PLD5: variants seen among roughly 807,000 people sequenced by gnomAD.
PLD5 encodes phospholipase D family member 5.
A neutral mutation model predicts 61.1 loss-of-function variants in PLD5; 36 were observed. The observed-to-expected ratio is 0.59, with a 90% CI of 0.45 to 0.78. PLD5 has a LOEUF of 0.78. Ranked by LOEUF, PLD5 falls within the 30% of genes least tolerant of loss-of-function variation. The pLI is 0.00. For missense variants in PLD5, 515 were observed against 644.4 expected (o/e 0.80, Z 2.17); for synonymous variants, 243 against 242.8 (o/e 1.00, Z -0.01).
At chr1:242,398,386 A>G (rs914431086) in intron 1 of PLD5, among the ~76,000 whole-genome samples, 48 of 152,234 alleles carry the variant, frequency 3.2e-4, no homozygotes, top group African/African-American at 1.1e-3. Flanking sequence ...AGCAAGTTTT[A>G]TCTGCTGAAA....
At chr1:242,252,550 C>T (rs1454593684) in intron 4 of PLD5, among the ~76,000 whole-genome samples, 1 of 151,362 alleles carries the variant, frequency 6.6e-6, no homozygotes, top group Non-Finnish European at 1.5e-5. Flanking sequence ...ATCTCTACAA[C>T]AAAGAAAAAA....
At chr1:242,214,919 C>T (rs7533773) in intron 5 of PLD5, among the ~76,000 whole-genome samples, 20 of 138,476 alleles carry the variant, frequency 1.4e-4, no homozygotes, top group African/African-American at 3.3e-4. Context: ...CTCTGTTGCC[C>T]GGGCTGGAGT....
At chr1:242,193,960 G>GTGT (rs1423639340) in intron 5 of PLD5, among the ~76,000 whole-genome samples, 7 of 152,144 alleles carry the variant, frequency 4.6e-5, no homozygotes, top group Non-Finnish European at 7.4e-5. Context: ...ATCTTCCAAG[G>GTGT]GGCTAACAAG....
chr1:242,349,024 A>T (rs898387923), intron 1 of PLD5, among the ~76,000 whole-genome samples: 1 of 152,226 alleles, frequency 6.6e-6, no homozygotes, highest in Non-Finnish European at 1.5e-5. Context: ...ACTGCACTCC[A>T]GCCTGGGTGA....
At chr1:242,472,122 A>G (rs1213943428) in intron 1 of PLD5, among the ~76,000 whole-genome samples, 3 of 152,228 alleles carry the variant, frequency 2.0e-5, no homozygotes, top group Admixed American at 2.0e-4. Context: ...TGATTTGTTC[A>G]TGGAAGGGCA....
intron 1 of PLD5, among the ~76,000 whole-genome samples, chr1:242,409,809 A>G (rs947053355): frequency 7.9e-5 from 12 of 152,230 alleles, no homozygotes; most frequent in South Asian, 4.1e-4. Flanking sequence ...ATGATGTTCT[A>G]CACACCTGGG....
chr1:242,373,634 G>A lies in PLD5; in HGVS notation c.190-25392C>T, dbSNP rs188647790. Reference sequence around the variant, plus strand: ...ACTATGCAGCCATAAAAAAGGATGAGTTCGTGTCCTTTGTAGGGACATGGA... The same window carrying A: ...ACTATGCAGCCATAAAAAAGGATGAATTCGTGTCCTTTGTAGGGACATGGA... On this transcript the variant is annotated intron_variant, in intron 1 of 9. Transcript: ENST00000536534. 1.3e-3 allele frequency among the ~76,000 whole-genome samples: 202 copies of A among 152,248 alleles called. 5 individuals carry two copies. In the East Asian group the frequency reaches 0.037, roughly 28 times the overall value.
chr1:242,237,381 C>T (rs1328768595), intron 4 of PLD5, among the ~76,000 whole-genome samples: 1 of 152,068 alleles, frequency 6.6e-6, no homozygotes, highest in African/African-American at 2.4e-5. Flanking sequence ...CAGTTCTCAA[C>T]GTCTTGCATC....
At chr1:242,110,538 G>A (rs777820000) in intron 7 of PLD5, among the ~76,000 whole-genome samples, 4 of 152,104 alleles carry the variant, frequency 2.6e-5, no homozygotes, top group Admixed American at 6.5e-5. Flanking sequence ...AGCCAGGCGC[G>A]GTGGCTCATA....
chr1:242,164,872 CTTTTCTTTTA>C (rs760058880), intron 5 of PLD5, among the ~76,000 whole-genome samples: 3 of 149,096 alleles, frequency 2.0e-5, no homozygotes, highest in Non-Finnish European at 4.4e-5. Context: ...TCTGAAGGTG[CTTTTCTTTTA>C]TGAGTTTCCT....
chr1:242,091,975 C>T (rs1233279984), intron 9 of PLD5, among the ~76,000 whole-genome samples: 1 of 151,758 alleles, frequency 6.6e-6, no homozygotes, highest in African/African-American at 2.4e-5. Flanking sequence ...TACAGGAGCC[C>T]ACCACAATGC....
At chr1:242,394,360 GTATATA>G (rs1206816676) in intron 1 of PLD5, among the ~76,000 whole-genome samples, 2 of 66,742 alleles carry the variant, frequency 3.0e-5, no homozygotes, top group Non-Finnish European at 6.2e-5. Context: ...ATATATGTGT[GTATATA>G]TGAGTATATA....
chr1:242,464,495 A>C (rs1388125147), intron 1 of PLD5, among the ~76,000 whole-genome samples: 1 of 152,214 alleles, frequency 6.6e-6, no homozygotes, highest in Non-Finnish European at 1.5e-5. Context: ...GCTCTAATAA[A>C]AATTTAAAAC....
intron 5 of PLD5, among the ~76,000 whole-genome samples, chr1:242,131,044 G>A (rs931625109): frequency 6.6e-6 from 1 of 152,052 alleles, no homozygotes; most frequent in Admixed American, 6.6e-5. Context: ...GGTGACTCAC[G>A]CCTGTAATCC....
chr1:242,211,000 A>C (rs1192512202), intron 5 of PLD5, among the ~76,000 whole-genome samples: 1 of 152,214 alleles, frequency 6.6e-6, no homozygotes, highest in Non-Finnish European at 1.5e-5. Flanking sequence ...TGGTTCATGA[A>C]GTTTAAGGTA....
intron 2 of PLD5, among the ~76,000 whole-genome samples, chr1:242,322,818 T>C (rs1460218272): frequency 3.3e-5 from 5 of 152,180 alleles, no homozygotes; most frequent in Non-Finnish European, 1.5e-5. Context: ...GAACTGTGAG[T>C]CAATTAAACT....
intron 2 of PLD5, among the ~76,000 whole-genome samples, chr1:242,337,786 T>G (rs1351286010): frequency 6.6e-6 from 1 of 152,216 alleles, no homozygotes; most frequent in African/African-American, 2.4e-5. Context: ...TGAGTTTAGA[T>G]GACTTCCTCA....
At chr1:242,345,162 T>C (rs970357425) in intron 2 of PLD5, among the ~76,000 whole-genome samples, 8 of 152,106 alleles carry the variant, frequency 5.3e-5, no homozygotes, top group African/African-American at 1.9e-4. Context: ...CCCACTGCAG[T>C]TGTGACCATG....
At chr1:242,410,520 C>G (rs553480574) in intron 1 of PLD5, among the ~76,000 whole-genome samples, 1 of 151,956 alleles carries the variant, frequency 6.6e-6, no homozygotes, top group Non-Finnish European at 1.5e-5. Flanking sequence ...GTTAAGATAC[C>G]TACTGTTGAG....
Sources: allele counts gnomAD v4.1 joint callset (sites outside exome capture counted in the v4.1 genomes callset), GRCh38; gene constraint gnomAD v4.1.1; transcripts MANE v1.5; gene names NCBI Gene and HGNC (gene_info 2026-07-23, HGNC 2026-07-21).